CACNA1E: variants seen among roughly 807,000 people sequenced by gnomAD.
CACNA1E encodes the protein calcium voltage-gated channel subunit alpha1 E.
CACNA1E carries 40 observed loss-of-function variants against 259.2 expected under a neutral mutation model. The observed-to-expected ratio is 0.15, with a 90% CI of 0.12 to 0.20. The LOEUF (loss-of-function observed/expected upper bound fraction) is 0.20, where lower values mean the gene tolerates loss of function less well. CACNA1E is among the 10% of genes least tolerant of loss of function. The pLI is 1.00. For synonymous variants in CACNA1E, 1,104 were observed against 1,138.5 expected (o/e 0.97, Z 0.61); for missense variants, 1,874 against 3,040.1 (o/e 0.62, Z 9.02).
chr1:181,584,423 C>A (rs1263373502), intron 6 of CACNA1E, among the ~76,000 whole-genome samples: 1 of 152,160 alleles, frequency 6.6e-6, no homozygotes, highest in East Asian at 1.9e-4. Context: ...TGGCTTTTGG[C>A]AAGAAGAGGC....
intron 3 of CACNA1E, among the ~76,000 whole-genome samples, chr1:181,569,949 G>T (rs1421883546): frequency 6.6e-6 from 1 of 152,164 alleles, no homozygotes; most frequent in African/African-American, 2.4e-5. Context: ...TAAACATAGA[G>T]CAGCTCTCTG....
Position 181,771,307 on chromosome 1 carries a change from A to C in CACNA1E, c.4896A>C (p.Ile1632=), listed in dbSNP as rs540298590. Residue 1632 remains isoleucine, a synonymous_variant, in exon 36 of 48, where the codon ATA becomes ATC. Coordinates refer to ENST00000367573, the MANE Select transcript of CACNA1E (RefSeq NM_001205293.3). The part of the protein sequence containing the change: ...AIIGMQVFGN[I]KLDEESHINR... The stretch of plus-strand genomic sequence containing the variant: ...CTCTCCTCAAGGTATTTGGAAACAT[A>C]AAATTAGACGAGGAGAGTCACATCA... The C allele has an allele frequency of 6.3e-7, 1 of 1,576,858 alleles. No homozygotes were observed. The highest frequency in any genetic ancestry group is 1.2e-5 in the South Asian group (1 of 86,810).
intron 37 of CACNA1E, 123 bp from the exon 38 acceptor site, chr1:181,775,978 T>C (rs1659939041): frequency 2.4e-6 from 2 of 849,604 alleles, no homozygotes; most frequent in East Asian, 4.9e-5. Context: ...TCCCTGTCCC[T>C]GCATACCTCT....
chr1:181,538,731 A>G (rs1422908750), intron 3 of CACNA1E, among the ~76,000 whole-genome samples: 1 of 152,198 alleles, frequency 6.6e-6, no homozygotes, highest in Non-Finnish European at 1.5e-5. Context: ...GGAGATTGCC[A>G]AGGAGAACAT....
chr1:181,477,041 G>A (rs1167361287), intron 2 of CACNA1E, among the ~76,000 whole-genome samples: 1 of 152,132 alleles, frequency 6.6e-6, no homozygotes, highest in African/African-American at 2.4e-5. Flanking sequence ...CATCTTATGG[G>A]AAAGAAAGGC....
At chr1:181,738,612 G>A (rs1399654600) in intron 24 of CACNA1E, among the ~76,000 whole-genome samples, 186 bp downstream of exon 24, 1 of 152,164 alleles carries the variant, frequency 6.6e-6, no homozygotes, top group African/African-American at 2.4e-5. Flanking sequence ...ACGGCTGCGT[G>A]GATGTGTTTG....
chr1:181,553,355 AT>A (rs1424803280), intron 3 of CACNA1E, among the ~76,000 whole-genome samples: 1 of 152,152 alleles, frequency 6.6e-6, no homozygotes, highest in Non-Finnish European at 1.5e-5. Flanking sequence ...TTGATTTTGT[AT>A]TCTGAGACTT....
In CACNA1E at chr1:181,335,591, C is replaced by A. The variant is rs1353579649; in HGVS notation, c.-15+17468C>A. 2.0e-5 allele frequency among the ~76,000 whole-genome samples: 3 copies of A among 152,172 alleles called. No individual in the cohort carries two copies. In the East Asian group the frequency reaches 5.8e-4, roughly 29 times the overall value. On this transcript the variant is annotated intron_variant, in intron 1 of 11. Transcript: ENST00000524607. Reference sequence around the variant, plus strand: ...CTGTGCATGCTGCTGTAGTTTTAATCCAAGGCCTGCATCCTGGAGCATGCC... The same window carrying A: ...CTGTGCATGCTGCTGTAGTTTTAATACAAGGCCTGCATCCTGGAGCATGCC...
At position 181,321,995 on chromosome 1, in the gene CACNA1E, A is replaced by G. The variant is rs1037737176; in HGVS notation, c.-15+3872A>G. 2.0e-5 allele frequency among the ~76,000 whole-genome samples: 3 copies of G among 151,970 alleles called. No homozygotes were observed. In the South Asian group the frequency reaches 6.2e-4, roughly 32 times the overall value. ...AACCACGCCTTTTCTCTTCCCTTCTACTGGGGGAGGGTAGGCGGGGCAGAT... is the reference window on the plus strand; with the variant it reads ...AACCACGCCTTTTCTCTTCCCTTCTGCTGGGGGAGGGTAGGCGGGGCAGAT... On this transcript the variant is annotated intron_variant, in intron 1 of 11. Transcript: ENST00000524607.
chr1:181,735,668 T>C (rs1364240774), intron 21 of CACNA1E, among the ~76,000 whole-genome samples: 1 of 152,198 alleles, frequency 6.6e-6, no homozygotes, highest in Non-Finnish European at 1.5e-5. Flanking sequence ...CATTTCTACA[T>C]TAACCATGGC....
chr1:181,388,750 A>G (rs995427478), intron 1 of CACNA1E, among the ~76,000 whole-genome samples: 1 of 151,978 alleles, frequency 6.6e-6, no homozygotes, highest in Admixed American at 6.6e-5. Flanking sequence ...AATTAGCTGG[A>G]TGTGGTGGTG....
intron 37 of CACNA1E, among the ~76,000 whole-genome samples, chr1:181,775,890 T>C (rs987926012): frequency 6.6e-6 from 1 of 152,188 alleles, no homozygotes; most frequent in Non-Finnish European, 1.5e-5. Flanking sequence ...CTACACTCTT[T>C]AGCTCAGTGT....
chr1:181,451,833 G>A (rs1233202762), intron 2 of CACNA1E, among the ~76,000 whole-genome samples: 3 of 152,184 alleles, frequency 2.0e-5, no homozygotes, highest in Non-Finnish European at 4.4e-5. Context: ...AAGGAATTTG[G>A]ACTTTACCCT....
intron 7 of CACNA1E, among the ~76,000 whole-genome samples, chr1:181,659,353 A>G (rs1183449629): frequency 2.6e-5 from 4 of 152,170 alleles, no homozygotes; most frequent in African/African-American, 9.7e-5. Flanking sequence ...GTATGGATGG[A>G]AGCATTGTAG....
At chr1:181,534,753 G>T (rs1668041691) in intron 3 of CACNA1E, among the ~76,000 whole-genome samples, 1 of 152,078 alleles carries the variant, frequency 6.6e-6, no homozygotes, top group South Asian at 2.1e-4. Context: ...AAGCAAGAAA[G>T]CAGAGAAAGG....
At chr1:181,664,672 G>A (rs937028833) in intron 7 of CACNA1E, among the ~76,000 whole-genome samples, 15 of 152,050 alleles carry the variant, frequency 9.9e-5, no homozygotes, top group Non-Finnish European at 1.8e-4. Context: ...TATCTACCTT[G>A]AGAAGCAGAG....
chr1:181,339,765 A>G (rs767315518), intron 1 of CACNA1E, among the ~76,000 whole-genome samples: 14 of 152,222 alleles, frequency 9.2e-5, no homozygotes, highest in East Asian at 7.7e-4. Context: ...ATTAAAAACC[A>G]TTTATATTTC....
rs137866620 is a variant in CACNA1E, at chr1:181,343,955, C to A, written c.-15+25832C>A. 4.6e-4 allele frequency among the ~76,000 whole-genome samples: 70 copies of A among 152,300 alleles called. 1 individual carries two copies. The East Asian group carries it at 0.013, about 29-fold the overall frequency. Reference sequence around the variant, plus strand: ...AAGGACAACAGGCCCTTCCCTTGTCCCTACCCCCCTCACCTGGCTACTCTT... The same window carrying A: ...AAGGACAACAGGCCCTTCCCTTGTCACTACCCCCCTCACCTGGCTACTCTT... On this transcript the variant is annotated intron_variant, in intron 1 of 11. Transcript: ENST00000524607.
intron 1 of CACNA1E, among the ~76,000 whole-genome samples, chr1:181,487,704 T>C (rs554424481): frequency 6.6e-6 from 1 of 152,332 alleles, no homozygotes; most frequent in South Asian, 2.1e-4. Flanking sequence ...CAGCTCTCAC[T>C]GTTTCATGCC....
Sources: allele counts gnomAD v4.1 joint callset (sites outside exome capture counted in the v4.1 genomes callset), GRCh38; gene constraint gnomAD v4.1.1; transcripts MANE v1.5; gene names NCBI Gene and HGNC (gene_info 2026-07-23, HGNC 2026-07-21).